IQGAP2: variants seen among roughly 807,000 people sequenced by gnomAD.
IQGAP2 encodes the protein ras GTPase-activating-like protein IQGAP2.
IQGAP2 carries 173 observed loss-of-function variants against 201.3 expected under a neutral mutation model. That is an observed-to-expected ratio of 0.86 (90% confidence interval 0.76 to 0.98). IQGAP2 has a LOEUF of 0.98. Among genes scored for constraint, IQGAP2 ranks in the 50% least tolerant of loss-of-function variants. The pLI, the probability that IQGAP2 is intolerant of heterozygous loss-of-function variation, is 0.00. For synonymous variants in IQGAP2, 675 were observed against 673.9 expected (o/e 1.00, Z -0.03); for missense variants, 1,687 against 1,864.8 (o/e 0.90, Z 1.76).
chr5:76,496,738 TTTC>T (rs1561416239), intron 2 of IQGAP2, among the ~76,000 whole-genome samples: 1,740 of 39,588 alleles, frequency 0.044, 117 homozygotes, highest in African/African-American at 0.17. Context: ...TCTTTCTTTC[TTTC>T]TTTCTTTCTT....
intron 10 of IQGAP2, among the ~76,000 whole-genome samples, chr5:76,600,175 C>G (rs1384550872): frequency 2.0e-5 from 3 of 152,064 alleles, no homozygotes; most frequent in African/African-American, 7.2e-5. Flanking sequence ...AAAAATAAAG[C>G]AAACCAAACC....
At position 76,677,238 on chromosome 5, in the gene IQGAP2, G is replaced by A. The variant is rs756544677; in HGVS notation, c.3548G>A (p.Cys1183Tyr). The change falls in exon 28 of 36, where the codon TGT (cysteine) becomes TAT (tyrosine). Residue 1183 changes from cysteine (C) to tyrosine (Y), a missense_variant. By Grantham distance (194) the Cys-to-Tyr change is radical. Transcript: ENST00000274364. The part of the protein sequence containing the change: ...QEFRKYFKEA[C>Y]NVPEPEEKFN... ...ATTAGGAAATATTTCAAAGAAGCAT[G>A]TAATGTCCCTGAGCCAGAAGAGAAG... 2 of 1,613,316 alleles carry A rather than the reference G, an allele frequency of 1.2e-6. No homozygotes were observed. The highest frequency in any genetic ancestry group is 1.1e-5 in the South Asian group (1 of 91,008).
intron 2 of IQGAP2, among the ~76,000 whole-genome samples, chr5:76,473,061 G>A (rs994512360): frequency 1.5e-4 from 23 of 152,214 alleles, no homozygotes; most frequent in African/African-American, 4.1e-4. Flanking sequence ...ATTCAGTGTC[G>A]CAGCCAACAG....
chr5:76,656,356 T>C (rs1262767268), intron 20 of IQGAP2, among the ~76,000 whole-genome samples: 5 of 152,148 alleles, frequency 3.3e-5, no homozygotes, highest in Non-Finnish European at 7.3e-5. Flanking sequence ...TAATTTTTTG[T>C]ATTTTTAGTA....
chr5:76,440,985 C>T (rs376305287), intron 1 of IQGAP2, among the ~76,000 whole-genome samples: 3 of 149,618 alleles, frequency 2.0e-5, no homozygotes, highest in Admixed American at 6.7e-5. Flanking sequence ...GAGCCGAGTT[C>T]GTACCATTGC....
chr5:76,471,196 C>T (rs1000712513), intron 2 of IQGAP2, among the ~76,000 whole-genome samples: 31 of 152,076 alleles, frequency 2.0e-4, no homozygotes, highest in African/African-American at 7.2e-4. Flanking sequence ...GGAATGGAGA[C>T]GGAGTTTGCA....
chr5:76,652,014 A>T (rs562606037), intron 17 of IQGAP2, among the ~76,000 whole-genome samples: 1 of 152,150 alleles, frequency 6.6e-6, no homozygotes, highest in Non-Finnish European at 1.5e-5. Flanking sequence ...GAAAAACAGT[A>T]TCAGAATTGG....
At chr5:76,618,745 A>G (rs1676995747) in intron 13 of IQGAP2, 1 of 1,048,846 alleles carries the variant, frequency 9.5e-7, no homozygotes, top group Admixed American at 2.7e-5. Flanking sequence ...ATTTAAGATC[A>G]TTTTTATTTT....
At chr5:76,447,340 T>C (rs1753450280) in intron 1 of IQGAP2, among the ~76,000 whole-genome samples, 1 of 152,170 alleles carries the variant, frequency 6.6e-6, no homozygotes, top group African/African-American at 2.4e-5. Context: ...TAGCCAATCA[T>C]CTATCGCCTG....
At chr5:76,702,138 A>G (rs1198173451) in intron 34 of IQGAP2, among the ~76,000 whole-genome samples, 1 of 152,238 alleles carries the variant, frequency 6.6e-6, no homozygotes, top group Non-Finnish European at 1.5e-5. Flanking sequence ...ATCATCTGAA[A>G]TACTCAATTG....
chr5:76,671,708 AAT>A, intron 23 of IQGAP2, 49 bp from the exon 24 acceptor site: 9 of 1,274,994 alleles, frequency 7.1e-6, no homozygotes, highest in Non-Finnish European at 1.0e-5. Context: ...AAAAAAAAAA[AAT>A]CTGTATCCAT....
chr5:76,406,015 A>G (rs1580123862), intron 1 of IQGAP2, among the ~76,000 whole-genome samples: 2 of 152,184 alleles, frequency 1.3e-5, no homozygotes, highest in East Asian at 3.8e-4. Flanking sequence ...TGGTAGTTTG[A>G]ATTAAGTTGT....
At chr5:76,452,876 G>A (rs186514929) in intron 1 of IQGAP2, among the ~76,000 whole-genome samples, 3 of 147,456 alleles carry the variant, frequency 2.0e-5, no homozygotes, top group East Asian at 2.0e-4. Flanking sequence ...TTTCCTATTC[G>A]AAAAATGTAT....
At chr5:76,535,581 G>T (rs956498136) in intron 2 of IQGAP2, among the ~76,000 whole-genome samples, 1 of 152,184 alleles carries the variant, frequency 6.6e-6, no homozygotes, top group East Asian at 1.9e-4. Context: ...TATGCGGCAC[G>T]CCCTGGGTCT....
At chr5:76,527,069 C>G (rs1347576145) in intron 2 of IQGAP2, among the ~76,000 whole-genome samples, 9 of 152,154 alleles carry the variant, frequency 5.9e-5, no homozygotes, top group Non-Finnish European at 1.5e-5. Context: ...TCAGGGTTTC[C>G]TTGTCCCTTG....
intron 20 of IQGAP2, 117 bp downstream of exon 20, chr5:76,655,120 C>T (rs1580734751): frequency 1.5e-6 from 1 of 687,768 alleles, no homozygotes. Context: ...CCATTGTTTC[C>T]AGTAGATTTT....
chr5:76,636,884 C>T, intron 15 of IQGAP2, 150 bp from the exon 16 acceptor site: 1 of 492,294 alleles, frequency 2.0e-6, no homozygotes, highest in South Asian at 5.3e-5. Flanking sequence ...ACATCGAATT[C>T]ATTCCATGTT....
intron 2 of IQGAP2, among the ~76,000 whole-genome samples, chr5:76,464,481 A>G (rs890292196): frequency 7.2e-5 from 11 of 152,180 alleles, no homozygotes; most frequent in Non-Finnish European, 1.5e-5. Flanking sequence ...ATATTCATCT[A>G]GGAAGTGTTT....
intron 1 of IQGAP2, among the ~76,000 whole-genome samples, chr5:76,440,097 C>T (rs1282147054): frequency 6.6e-6 from 1 of 152,190 alleles, no homozygotes; most frequent in Non-Finnish European, 1.5e-5. Context: ...CTTTATTTCT[C>T]CTTCATTTAT....
Sources: allele counts gnomAD v4.1 joint callset (sites outside exome capture counted in the v4.1 genomes callset), GRCh38; gene constraint gnomAD v4.1.1; transcripts MANE v1.5; gene names NCBI Gene and HGNC (gene_info 2026-07-23, HGNC 2026-07-21).